The following ANO1 variants were observed in gnomAD, a reference collection of about 807,000 sequenced individuals.
ANO1 encodes the protein anoctamin-1.
In ANO1, 59 loss-of-function variants were observed where a neutral mutation model predicts 124.0. That is an observed-to-expected ratio of 0.48 (90% CI 0.39 to 0.59). The LOEUF is 0.59. Among genes scored for constraint, ANO1 ranks in the 20% least tolerant of loss-of-function variants. ANO1 has a pLI of 0.00. For missense variants in ANO1, 1,059 were observed against 1,328.0 expected (o/e 0.80, Z 3.15); for synonymous variants, 529 against 532.0 (o/e 0.99, Z 0.08).
chr11:70,103,445 GC>G (rs931160153), intron 3 of ANO1, among the ~76,000 whole-genome samples: 5 of 152,042 alleles, frequency 3.3e-5, no homozygotes, highest in Non-Finnish European at 7.4e-5. Context: ...CCACCTCTCG[GC>G]CCCCGGGGAA....
chr11:70,002,461 CAAA>C (rs56246522), intron 1 of ANO1, among the ~76,000 whole-genome samples: 3 of 94,956 alleles, frequency 3.2e-5, no homozygotes, highest in Non-Finnish European at 4.1e-5. Flanking sequence ...GAGACTCCAC[CAAA>C]AAAAAAAAAA....
intron 1 of ANO1, among the ~76,000 whole-genome samples, chr11:70,004,111 C>G (rs782277977): frequency 2.0e-5 from 3 of 152,154 alleles, no homozygotes; most frequent in Non-Finnish European, 4.4e-5. Context: ...CTTCAGCGGC[C>G]CCCAAAGCCC....
chr11:69,968,803 G>A, the ANO1 span, among the ~76,000 whole-genome samples: 2 of 152,196 alleles, frequency 1.3e-5, no homozygotes, highest in African/African-American at 4.8e-5. Flanking sequence ...TTCTGTCCAG[G>A]AGCAGCAGGG....
chr11:70,032,989 C>A (rs562220058), intron 1 of ANO1, among the ~76,000 whole-genome samples: 83 of 152,176 alleles, frequency 5.5e-4, no homozygotes, highest in Non-Finnish European at 1.1e-3. Flanking sequence ...GGACCAGGCA[C>A]ACGGCGTGCC....
At chr11:70,053,814 A>G (rs1454170789) in intron 1 of ANO1, among the ~76,000 whole-genome samples, 2 of 152,164 alleles carry the variant, frequency 1.3e-5, no homozygotes, top group East Asian at 3.9e-4. Flanking sequence ...ATGTGCCTAG[A>G]GTTCTCTTTG....
At chr11:69,988,074 T>C (rs1406252743) in intron 1 of ANO1, among the ~76,000 whole-genome samples, 1 of 152,184 alleles carries the variant, frequency 6.6e-6, no homozygotes, top group African/African-American at 2.4e-5. Flanking sequence ...AGATGCACCA[T>C]TCCACCGCAG....
At chr11:70,070,003 G>T (rs1266181010) in intron 1 of ANO1, among the ~76,000 whole-genome samples, 2 of 152,202 alleles carry the variant, frequency 1.3e-5, no homozygotes, top group South Asian at 2.1e-4. Context: ...CATAAGCGAA[G>T]GGATTGAAAT....
intron 11 of ANO1, among the ~76,000 whole-genome samples, chr11:70,136,728 G>A (rs1158394098): frequency 6.8e-6 from 1 of 148,028 alleles, no homozygotes; most frequent in African/African-American, 2.4e-5. Context: ...GGTGTGGGCA[G>A]AGCAGTGTGA....
chr11:70,095,781 T>C (rs935612076), intron 2 of ANO1, among the ~76,000 whole-genome samples: 3 of 152,222 alleles, frequency 2.0e-5, no homozygotes, highest in Non-Finnish European at 2.9e-5. Flanking sequence ...CTCACCAGCA[T>C]CTTCTTGCAC....
intron 2 of ANO1, among the ~76,000 whole-genome samples, chr11:70,101,046 G>C (rs904091821): frequency 6.6e-6 from 1 of 152,064 alleles, no homozygotes; most frequent in Non-Finnish European, 1.5e-5. Context: ...GGAGCGATGA[G>C]ACAGGATTCA....
intron 1 of ANO1, among the ~76,000 whole-genome samples, chr11:69,998,963 A>G (rs1055171179): frequency 6.6e-6 from 1 of 151,506 alleles, no homozygotes. Context: ...AATAAAAGGA[A>G]TACCTGAGCC....
chr11:70,103,287 C>CAG (rs1212886931), intron 3 of ANO1, 123 bp downstream of exon 3: 41 of 739,754 alleles, frequency 5.5e-5, no homozygotes, highest in Non-Finnish European at 8.2e-5. Flanking sequence ...CAGTGGGCTT[C>CAG]ACGGCTACCC....
chr11:70,035,081 C>G (rs1221119340), intron 1 of ANO1, among the ~76,000 whole-genome samples: 1 of 152,132 alleles, frequency 6.6e-6, no homozygotes, highest in Admixed American at 6.5e-5. Flanking sequence ...AGTGGTACCA[C>G]AGCCCCTCTT....
intron 11 of ANO1, among the ~76,000 whole-genome samples, chr11:70,132,725 A>T (rs2046810450): frequency 6.6e-6 from 1 of 152,138 alleles, no homozygotes; most frequent in Non-Finnish European, 1.5e-5. Flanking sequence ...TGGTGGCTGA[A>T]TGCATTTCTA....
chr11:70,079,616 C>T (rs2044143825), intron 1 of ANO1, among the ~76,000 whole-genome samples: 2 of 152,132 alleles, frequency 1.3e-5, no homozygotes, highest in Non-Finnish European at 2.9e-5. Context: ...AAGCTCTCAG[C>T]AGCAATTTGT....
upstream of ANO1, among the ~76,000 whole-genome samples, chr11:70,077,276 T>C (rs1426899769): frequency 6.6e-6 from 1 of 152,146 alleles, no homozygotes; most frequent in African/African-American, 2.4e-5. Context: ...AGGCAGGTTC[T>C]TTGGATAGAC....
intron 10 of ANO1, 100 bp downstream of exon 10, chr11:70,126,295 A>G (rs1468558900): frequency 1.4e-6 from 2 of 1,400,884 alleles, no homozygotes; most frequent in Non-Finnish European, 1.9e-6. Context: ...TCTCACACCA[A>G]TTCCTGTACA....
At chr11:70,170,514 C>T (rs935553338) in intron 21 of ANO1, among the ~76,000 whole-genome samples, 2 of 152,150 alleles carry the variant, frequency 1.3e-5, no homozygotes, top group African/African-American at 4.8e-5. Context: ...ATTCATTGAG[C>T]CTGGGAGGTC....
At chr11:69,987,473 C>T (rs782263817) in intron 1 of ANO1, among the ~76,000 whole-genome samples, 1 of 152,110 alleles carries the variant, frequency 6.6e-6, no homozygotes, top group Admixed American at 6.5e-5. Flanking sequence ...ACTGATGGCA[C>T]CAAGATTAGA....
Sources: allele counts gnomAD v4.1 joint callset (sites outside exome capture counted in the v4.1 genomes callset), GRCh38; gene constraint gnomAD v4.1.1; transcripts MANE v1.5; gene names NCBI Gene and HGNC (gene_info 2026-07-23, HGNC 2026-07-21).